ROBO1: variants seen among roughly 807,000 people sequenced by gnomAD.
ROBO1 encodes roundabout guidance receptor 1.
Under a neutral mutation model 195.9 loss-of-function variants are expected in ROBO1, and 149 were observed. That is an observed-to-expected ratio of 0.76 (90% confidence interval 0.67 to 0.87). The LOEUF is 0.87. Ranked by LOEUF, ROBO1 falls within the 40% of genes least tolerant of loss-of-function variation. The probability of loss-of-function intolerance (pLI) is 0.00; values close to 1 mark genes in which losing one functional copy is unlikely to be tolerated. For missense variants in ROBO1, 1,933 were observed against 2,068.3 expected (o/e 0.93, Z 1.27); for synonymous variants, 816 against 733.2 (o/e 1.11, Z -1.82).
chr3:79,082,102 CT>C (rs2079285426), intron 3 of ROBO1, among the ~76,000 whole-genome samples: 1 of 152,094 alleles, frequency 6.6e-6, no homozygotes, highest in African/African-American at 2.4e-5. Flanking sequence ...AATTCAAAGA[CT>C]TTTAAGCAAT....
At chr3:79,666,553 T>A (rs564649414) in intron 1 of ROBO1, among the ~76,000 whole-genome samples, 1 of 151,910 alleles carries the variant, frequency 6.6e-6, no homozygotes, top group Admixed American at 6.6e-5. Context: ...CCCCTCATAC[T>A]GTTCTTGTGG....
intron 1 of ROBO1, among the ~76,000 whole-genome samples, chr3:79,700,181 TGCATA>T (rs1947572459): frequency 1.3e-5 from 2 of 151,882 alleles, no homozygotes; most frequent in Non-Finnish European, 1.5e-5. Context: ...TTTTTATGGC[TGCATA>T]GTATTCCATA....
At chr3:79,655,180 CTCA>C (rs1946123867) in intron 1 of ROBO1, among the ~76,000 whole-genome samples, 1 of 151,792 alleles carries the variant, frequency 6.6e-6, no homozygotes. Context: ...TCAAGTGAAC[CTCA>C]TGATATTGAA....
At chr3:78,617,068 C>T (rs1341983128) in intron 27 of ROBO1, among the ~76,000 whole-genome samples, 1 of 152,010 alleles carries the variant, frequency 6.6e-6, no homozygotes, top group African/African-American at 2.4e-5. Flanking sequence ...ATTACATATA[C>T]CGTCATATCT....
At chr3:78,765,829 C>T (rs1336165047) in intron 4 of ROBO1, among the ~76,000 whole-genome samples, 1 of 152,128 alleles carries the variant, frequency 6.6e-6, no homozygotes, top group Non-Finnish European at 1.5e-5. Context: ...TAAAATGTGT[C>T]CGAGTAAATT....
chr3:79,137,866 G>A (rs1201589338), intron 2 of ROBO1, among the ~76,000 whole-genome samples: 1 of 152,056 alleles, frequency 6.6e-6, no homozygotes, highest in Non-Finnish European at 1.5e-5. Context: ...CACCAGGTTA[G>A]TGATTCTTTT....
At chr3:78,950,229 C>T (rs527813150) in intron 3 of ROBO1, among the ~76,000 whole-genome samples, 17 of 152,136 alleles carry the variant, frequency 1.1e-4, no homozygotes, top group Admixed American at 8.5e-4. Flanking sequence ...TACAGCAGCA[C>T]TATTCACAAT....
intron 8 of ROBO1, among the ~76,000 whole-genome samples, chr3:78,689,328 T>C (rs1278273356): frequency 6.6e-6 from 1 of 152,184 alleles, no homozygotes; most frequent in East Asian, 1.9e-4. Context: ...ACAGAATATA[T>C]ATGGAAATGA....
At chr3:78,668,108 A>G (rs1707840788) in intron 13 of ROBO1, 26 bp downstream of exon 13, 24 of 1,611,730 alleles carry the variant, frequency 1.5e-5, no homozygotes, top group Non-Finnish European at 2.0e-5. Context: ...AAAAAGAACA[A>G]CTAGGAAGCA....
At chr3:79,512,970 A>G (rs1940782457) in intron 2 of ROBO1, 1 of 152,162 alleles carries the variant, frequency 6.6e-6, no homozygotes, top group Non-Finnish European at 1.5e-5. Flanking sequence ...TATCAAGCAC[A>G]ATGAATCAAT....
At chr3:79,479,210 T>A (rs1192460784) in intron 2 of ROBO1, among the ~76,000 whole-genome samples, 1 of 152,188 alleles carries the variant, frequency 6.6e-6, no homozygotes, top group Non-Finnish European at 1.5e-5. Flanking sequence ...TTTTGGCACC[T>A]GGGGCGGATT....
rs7636043 is a variant in ROBO1, at chr3:78,627,317, A to G, written c.3875+4T>C. Reference sequence around the variant, plus strand: ...GTTAGCAAAGAAGGCTAGTGACAACATACCTCCTGTCGGGCTGGTGCTGCA... The same window carrying G: ...GTTAGCAAAGAAGGCTAGTGACAACGTACCTCCTGTCGGGCTGGTGCTGCA... On this transcript the variant is annotated splice_donor_region_variant and intron_variant, in intron 26 of 30. Coordinates refer to ENST00000464233, the MANE Select transcript of ROBO1 (RefSeq NM_002941.4). 1,555,771 of 1,611,048 alleles carry G rather than the reference A, an allele frequency of 0.97. 751,405 individuals carry two copies. Among genetic ancestry groups the G allele is most frequent in the East Asian group, 1 (44,463 of 44,684 alleles).
intron 1 of ROBO1, among the ~76,000 whole-genome samples, chr3:79,663,794 A>G (rs775179048): frequency 2.6e-5 from 4 of 152,036 alleles, no homozygotes; most frequent in South Asian, 4.1e-4. Flanking sequence ...ACCATAGTCT[A>G]TATCCTGGAA....
intron 2 of ROBO1, among the ~76,000 whole-genome samples, chr3:79,495,872 G>C (rs1939701562): frequency 2.0e-5 from 3 of 152,120 alleles, no homozygotes; most frequent in African/African-American, 7.2e-5. Context: ...TATGAATGGA[G>C]ATAAAATAAT....
At chr3:79,412,116 G>A (rs988799709) in intron 2 of ROBO1, among the ~76,000 whole-genome samples, 1 of 152,060 alleles carries the variant, frequency 6.6e-6, no homozygotes, top group Admixed American at 6.6e-5. Context: ...AGCCAATCCT[G>A]TCATTTTATT....
At chr3:79,502,179 G>A (rs1339510195) in intron 2 of ROBO1, among the ~76,000 whole-genome samples, 5 of 152,300 alleles carry the variant, frequency 3.3e-5, no homozygotes, top group South Asian at 4.1e-4. Context: ...CCTTCAGCCC[G>A]CCGCTGCACT....
chr3:78,833,507 T>A (rs891708264), intron 4 of ROBO1, among the ~76,000 whole-genome samples: 7 of 152,164 alleles, frequency 4.6e-5, no homozygotes, highest in African/African-American at 1.7e-4. Context: ...AAAATATATT[T>A]AATTGTACTA....
intron 2 of ROBO1, among the ~76,000 whole-genome samples, chr3:79,127,757 A>G (rs1316989325): frequency 6.6e-6 from 1 of 152,232 alleles, no homozygotes; most frequent in Non-Finnish European, 1.5e-5. Flanking sequence ...TAAATCATAT[A>G]AAACAGATTT....
intron 4 of ROBO1, among the ~76,000 whole-genome samples, chr3:78,817,987 T>A (rs996715652): frequency 2.6e-5 from 4 of 152,138 alleles, no homozygotes; most frequent in African/African-American, 9.7e-5. Flanking sequence ...ACTGGTTATA[T>A]CAAAATACAG....
Sources: gnomAD v4.1 joint callset for allele counts (sites outside exome capture counted in the v4.1 genomes callset) on GRCh38, gnomAD v4.1.1 for gene constraint, MANE v1.5 for transcripts, NCBI Gene and HGNC (gene_info 2026-07-23, HGNC 2026-07-21) for gene names.